PHLDB3: variants seen among roughly 807,000 people sequenced by gnomAD.
PHLDB3 encodes pleckstrin homology-like domain family B member 3.
A neutral mutation model predicts 85.7 loss-of-function variants in PHLDB3; 86 were observed. The ratio of observed to expected loss-of-function variants is 1.00; its 90% CI spans 0.84 to 1.20. PHLDB3 has a LOEUF of 1.20. Ranked by LOEUF, PHLDB3 falls within the 50% of genes most tolerant of loss-of-function variation. The pLI is 0.00. For synonymous variants in PHLDB3, 376 were observed against 349.8 expected (o/e 1.07, Z -0.83); for missense variants, 995 against 873.0 (o/e 1.14, Z -1.76).
chr19:43,497,127 C>G lies in PHLDB3; in HGVS notation c.816G>C (p.Ala272=). The change falls in exon 6 of 16, where the codon GCG becomes GCC. Residue 272 remains alanine, a synonymous_variant. Coordinates refer to ENST00000292140, the MANE Select transcript of PHLDB3 (RefSeq NM_198850.4). ...GTCAGGCATGACTCACTCTGTGCTG[C>G]GCCATGCTGGCCTGGAGTTCCTGGA... The part of the protein sequence containing the change: ...PKVQELQASM[A]QHRRGALQHR... 1.3e-6 allele frequency: 2 copies of G among 1,533,126 alleles called. No individual in the cohort carries two copies. Among genetic ancestry groups the G allele is most frequent in the Admixed American group, 4.1e-5 (2 of 49,334 alleles). The allele number at this position is 1,533,126 out of a possible 1,614,324, so 95.0% of individuals were successfully genotyped here. A position where few individuals can be genotyped will look rare whatever the true frequency, so the allele number is the denominator to read the frequency against.
At chr19:43,486,964 T>C in intron 10 of PHLDB3, 60 bp downstream of exon 10, 1 of 1,484,394 alleles carries the variant, frequency 6.7e-7, no homozygotes, top group Non-Finnish European at 9.0e-7. Context: ...GTTTCCTCCA[T>C]CCTCTGCTGC....
chr19:43,487,000 A>G, intron 10 of PHLDB3, 24 bp downstream of exon 10: 1 of 1,516,520 alleles, frequency 6.6e-7, no homozygotes, highest in Non-Finnish European at 8.8e-7. Flanking sequence ...GTGGGAAGGA[A>G]GTGGGGAACA....
chr19:43,503,582 C>T (rs1412044342), intron 2 of PHLDB3, among the ~76,000 whole-genome samples: 1 of 152,148 alleles, frequency 6.6e-6, no homozygotes, highest in East Asian at 1.9e-4. Flanking sequence ...GCTGGGATTA[C>T]AGGCGTGAGC....
intron 4 of PHLDB3, 170 bp downstream of exon 4, chr19:43,501,564 G>C: frequency 7.7e-7 from 1 of 1,303,092 alleles, no homozygotes. Context: ...ATCTCGCCCA[G>C]GGAGGGAGAA....
intron 5 of PHLDB3, 76 bp from the exon 6 acceptor site, chr19:43,497,355 T>C: frequency 8.3e-7 from 1 of 1,209,404 alleles, no homozygotes; most frequent in Non-Finnish European, 1.1e-6. Context: ...GGGCTGGGAC[T>C]CCTGGTCAGA....
At chr19:43,484,303 A>G (rs982858924) in intron 13 of PHLDB3, among the ~76,000 whole-genome samples, 1 of 151,560 alleles carries the variant, frequency 6.6e-6, no homozygotes, top group Non-Finnish European at 1.5e-5. Flanking sequence ...TTTTAAAAAC[A>G]TATTTTGGAG....
chr19:43,475,262 C>T lies in PHLDB3; in HGVS notation c.*148G>A. Reference sequence around the variant, plus strand: ...CAACCCAGAACGCAGCAGCTCAGGCCAGCTGAACTGCCGCGCCTGCGGAAT... The same window carrying T: ...CAACCCAGAACGCAGCAGCTCAGGCTAGCTGAACTGCCGCGCCTGCGGAAT... On this transcript the variant is annotated 3_prime_UTR_variant, in exon 16 of 16. Transcript: ENST00000292140. The T allele has an allele frequency of 8.7e-7, 1 of 1,145,732 alleles. No homozygotes were observed. The allele number at this position is 1,145,732 out of a possible 1,614,324, so 71.0% of individuals were successfully genotyped here.
intron 13 of PHLDB3, among the ~76,000 whole-genome samples, chr19:43,480,680 G>A (rs1482187739): frequency 6.6e-6 from 1 of 152,136 alleles, no homozygotes; most frequent in Non-Finnish European, 1.5e-5. Flanking sequence ...GTACTTTCTA[G>A]GTATAATCTC....
At chr19:43,494,519 A>G (rs1164127285) in intron 9 of PHLDB3, among the ~76,000 whole-genome samples, 183 bp downstream of exon 9, 1 of 152,076 alleles carries the variant, frequency 6.6e-6, no homozygotes, top group Non-Finnish European at 1.5e-5. Flanking sequence ...GAAAAAAAAT[A>G]ACAATAATAA....
intron 4 of PHLDB3, among the ~76,000 whole-genome samples, chr19:43,500,375 A>T (rs1009623752): frequency 6.6e-6 from 1 of 152,164 alleles, no homozygotes; most frequent in African/African-American, 2.4e-5. Flanking sequence ...CCACTTGCAG[A>T]AACAGAGGCA....
Position 43,504,061 on chromosome 19 carries a change from C to T in PHLDB3, c.58G>A (p.Asp20Asn). Residue 20 changes from aspartate (D) to asparagine (N), a missense_variant, in exon 2 of 16, where the codon GAC (aspartate) becomes AAC (asparagine). Physicochemically the swap from Asp to Asn is conservative, Grantham distance 23. Transcript: ENST00000292140. ...TGGCCCTGGGGCTGGACCTCCACGT[C>T]GCATTCCGGGACCAGCGGCGGCGGG... is the stretch of plus-strand genomic sequence containing the variant. Reference protein sequence around the residue: ...GTPPPLVPECDVEVQPQGHPE... With the variant: ...GTPPPLVPECNVEVQPQGHPE... The T allele has an allele frequency of 1.2e-6, 2 of 1,613,600 alleles. No homozygotes were observed. The highest frequency in any genetic ancestry group is 1.7e-6 in the Non-Finnish European group (2 of 1,179,714).
chr19:43,492,976 G>A (rs919155241), intron 9 of PHLDB3, among the ~76,000 whole-genome samples: 4 of 152,046 alleles, frequency 2.6e-5, no homozygotes, highest in African/African-American at 7.2e-5. Context: ...ATAGAGTTAA[G>A]TTAAAAAATA....
intron 9 of PHLDB3, among the ~76,000 whole-genome samples, chr19:43,488,588 T>TA (rs534298240): frequency 2.0e-5 from 3 of 152,140 alleles, no homozygotes; most frequent in Non-Finnish European, 2.9e-5. Context: ...TTGGCTTTTT[T>TA]AAAAAAAATC....
In PHLDB3 at chr19:43,502,267, G is replaced by C. The variant is rs1012648909; in HGVS notation, c.230C>G (p.Pro77Arg). 1.3e-5 allele frequency: 21 copies of C among 1,561,082 alleles called. No individual in the cohort carries two copies. Among genetic ancestry groups the C allele is most frequent in the Middle Eastern group, 1.7e-4 (1 of 5,994 alleles). Reference protein sequence around the residue: ...SSRDAPEATPPIAMAATPPAS... With the variant: ...SSRDAPEATPRIAMAATPPAS... ...GGGAGGTGTGGCCGCCATAGCTATCGGAGGCGTAGCCTCGGGCTGAAGTTG... is the reference window on the plus strand; with the variant it reads ...GGGAGGTGTGGCCGCCATAGCTATCCGAGGCGTAGCCTCGGGCTGAAGTTG... Residue 77 changes from proline to arginine, a missense_variant, in exon 3 of 16, where the codon CCG becomes CGG. Pro to Arg is a moderately radical substitution (Grantham distance 103). Transcript: ENST00000292140.
At chr19:43,485,177 T>A (rs888652782) in intron 13 of PHLDB3, among the ~76,000 whole-genome samples, 1 of 151,916 alleles carries the variant, frequency 6.6e-6, no homozygotes, top group Non-Finnish European at 1.5e-5. Flanking sequence ...ACTCCTTCTC[T>A]CATGCATATG....
chr19:43,497,846 G>A lies in PHLDB3; in HGVS notation c.565C>T (p.Arg189Cys), dbSNP rs766586256. Residue 189 changes from arginine to cysteine, a missense_variant, in exon 5 of 16, where the codon CGC (arginine) becomes TGC (cysteine). By Grantham distance (180) the Arg-to-Cys change is radical. Coordinates refer to ENST00000292140, the MANE Select transcript of PHLDB3 (RefSeq NM_198850.4). ...EQRRLSQERD[R>C]LEGLRQRLRK... Reference sequence around the variant, plus strand: ...AGTCTCTGGCGAAGACCCTCTAGGCGATCCCGTTCCTGGCTCAGCCGCCTC... The same window carrying A: ...AGTCTCTGGCGAAGACCCTCTAGGCAATCCCGTTCCTGGCTCAGCCGCCTC... 8.9e-6 allele frequency: 14 copies of A among 1,581,284 alleles called. No homozygotes were observed. The highest frequency in any genetic ancestry group is 1.1e-5 in the Non-Finnish European group (13 of 1,164,178).
chr19:43,487,173 C>T, intron 9 of PHLDB3, 50 bp from the exon 10 acceptor site: 1 of 1,493,200 alleles, frequency 6.7e-7, no homozygotes, highest in Non-Finnish European at 9.1e-7. Flanking sequence ...TGATCTCCAA[C>T]CTAAGTCAGA....
Position 43,503,972 on chromosome 19 carries a change from T to TC in PHLDB3, c.146dup (p.Ala50SerfsTer2), listed in dbSNP as rs1971684553. On this transcript the variant is annotated frameshift_variant, in exon 2 of 16. Transcript: ENST00000292140. LOFTEE classifies it high-confidence loss of function. ...CTTCTTCCTCTGCCTGCTGCTCAGCTCCCCCGCGGCTCGAAGGTTCCGCCA... is the reference window on the plus strand; with the variant it reads ...CTTCTTCCTCTGCCTGCTGCTCAGCTCCCCCCGCGGCTCGAAGGTTCCGCCA... The TC allele has an allele frequency of 6.2e-7, 1 of 1,613,828 alleles. No individual in the cohort carries two copies. Among genetic ancestry groups the TC allele is most frequent in the Non-Finnish European group, 8.5e-7 (1 of 1,179,788 alleles).
chr19:43,500,239 C>T (rs1015334364), intron 4 of PHLDB3, among the ~76,000 whole-genome samples: 4 of 151,186 alleles, frequency 2.6e-5, no homozygotes, highest in Admixed American at 1.3e-4. Context: ...AACTGTGTCT[C>T]GCAAAAAAAA....
Sources: allele counts gnomAD v4.1 joint callset (sites outside exome capture counted in the v4.1 genomes callset), GRCh38; gene constraint gnomAD v4.1.1; transcripts MANE v1.5; gene names NCBI Gene and HGNC (gene_info 2026-07-23, HGNC 2026-07-21).